Variants in CFAP77 observed in about 807,000 individuals in gnomAD.
The protein encoded by CFAP77 is cilia and flagella associated protein 77.
In CFAP77, 25 loss-of-function variants were observed where a neutral mutation model predicts 31.1. The observed-to-expected ratio is 0.80, with a 90% confidence interval of 0.59 to 1.12. CFAP77 has a LOEUF of 1.12. CFAP77 is among the 50% of genes most tolerant of loss of function. The pLI is 0.00. For missense variants in CFAP77, 377 were observed against 397.3 expected (o/e 0.95, Z 0.44); for synonymous variants, 151 against 159.9 (o/e 0.94, Z 0.42).
chr9:132,516,596 C>A (rs1418114757), intron 3 of CFAP77, among the ~76,000 whole-genome samples: 1 of 151,360 alleles, frequency 6.6e-6, no homozygotes, highest in Non-Finnish European at 1.5e-5. Flanking sequence ...GAAATACACA[C>A]ACACACACAC....
chr9:132,477,607 C>T (rs1341702260), intron 1 of CFAP77, among the ~76,000 whole-genome samples: 1 of 152,216 alleles, frequency 6.6e-6, no homozygotes, highest in Non-Finnish European at 1.5e-5. Flanking sequence ...TTGCTCAGCA[C>T]ACATGAGCTG....
chr9:132,483,584 C>G (rs1564221737), intron 1 of CFAP77, among the ~76,000 whole-genome samples: 1 of 152,188 alleles, frequency 6.6e-6, no homozygotes, highest in Non-Finnish European at 1.5e-5. Context: ...GAGGCCATGG[C>G]AAGCAAAGGG....
chr9:132,418,598 G>A (rs1343859898), intron 1 of CFAP77, among the ~76,000 whole-genome samples: 1 of 152,070 alleles, frequency 6.6e-6, no homozygotes, highest in Non-Finnish European at 1.5e-5. Context: ...TTCGTTTCCC[G>A]AGCAATGTAG....
At chr9:132,526,120 T>C (rs187898604) in intron 3 of CFAP77, among the ~76,000 whole-genome samples, 193 of 152,296 alleles carry the variant, frequency 1.3e-3, no homozygotes, top group African/African-American at 3.9e-3. Context: ...GCTATGAACA[T>C]TTGTGAATAA....
intron 5 of CFAP77, among the ~76,000 whole-genome samples, chr9:132,549,447 A>T (rs1280252785): frequency 6.6e-6 from 1 of 152,232 alleles, no homozygotes; most frequent in African/African-American, 2.4e-5. Context: ...AGAATGATTC[A>T]GAGGCCCTGA....
chr9:132,494,060 C>T lies in CFAP77; in HGVS notation c.196-4635C>T, dbSNP rs148778161. ...CCAAGTAGCTGGAACCACAGGCACA[C>T]GCCACCATACCCAGCTAATTTTTAC... On this transcript the variant is annotated intron_variant, in intron 1 of 5. Coordinates refer to ENST00000393216, the MANE Select transcript of CFAP77 (RefSeq NM_001282957.2). 2.7e-3 allele frequency among the ~76,000 whole-genome samples: 418 copies of T among 152,238 alleles called. 1 individual carries two copies. Among genetic ancestry groups the T allele is most frequent in the Non-Finnish European group, 4.2e-3 (289 of 68,014 alleles).
At chr9:132,533,811 G>T (rs961452306) in intron 3 of CFAP77, among the ~76,000 whole-genome samples, 2 of 152,132 alleles carry the variant, frequency 1.3e-5, no homozygotes, top group Non-Finnish European at 2.9e-5. Flanking sequence ...AACCCAGGAG[G>T]TGGAGGTTGC....
chr9:132,543,802 C>G (rs1245581400), intron 5 of CFAP77, among the ~76,000 whole-genome samples: 1 of 152,200 alleles, frequency 6.6e-6, no homozygotes, highest in African/African-American at 2.4e-5. Context: ...GTTCACTCAG[C>G]CTTGTAGCCC....
Position 132,495,261 on chromosome 9 carries a change from A to C in CFAP77, c.196-3434A>C, listed in dbSNP as rs1851723546. ...CCCAGGCAACCACACTAAAAAGCAG[A>C]GATTGAGGCACACACCTGCTCCTTG... On this transcript the variant is annotated intron_variant, in intron 1 of 5. Transcript: ENST00000393216. The surrounding 1 kb of genome is among the most constrained non-coding windows in gnomAD (Gnocchi z 4.2). Among the ~76,000 whole-genome samples, 2 of 152,076 alleles carry C rather than the reference A, an allele frequency of 1.3e-5. No individual in the cohort carries two copies. Among genetic ancestry groups the C allele is most frequent in the Non-Finnish European group, 2.9e-5 (2 of 68,024 alleles).
In CFAP77 at chr9:132,511,821, T is replaced by A. The variant is rs1389485192; in HGVS notation, c.524+12221T>A. On this transcript the variant is annotated intron_variant, in intron 3 of 5. Transcript: ENST00000393216. The surrounding 1 kb of genome is among the most constrained non-coding windows in gnomAD (Gnocchi z 5.8). ...CTGTCATCCCAGCACTGTGGGAGGCTGAGGCGGGCGGATCACGAGGTCAGG... is the reference window on the plus strand; with the variant it reads ...CTGTCATCCCAGCACTGTGGGAGGCAGAGGCGGGCGGATCACGAGGTCAGG... Among the ~76,000 whole-genome samples the A allele has an allele frequency of 6.6e-6, 1 of 152,156 alleles. No homozygotes were observed. Among genetic ancestry groups the A allele is most frequent in the Non-Finnish European group, 1.5e-5 (1 of 68,020 alleles).
At chr9:132,447,147 CA>C (rs1850738216) in intron 1 of CFAP77, among the ~76,000 whole-genome samples, 1 of 152,192 alleles carries the variant, frequency 6.6e-6, no homozygotes, top group Non-Finnish European at 1.5e-5. Flanking sequence ...AGCCAGGATT[CA>C]GACCCCAGTC....
In CFAP77 at chr9:132,422,013, C is replaced by CTTTTTTTT. The variant is rs1234375855; in HGVS notation, c.195+11552_195+11559dup. Among the ~76,000 whole-genome samples, 1,267 of 143,754 alleles carry CTTTTTTTT rather than the reference C, an allele frequency of 8.8e-3. 19 individuals are homozygous for CTTTTTTTT. The highest frequency in any genetic ancestry group is 0.031 in the African/African-American group (1,218 of 39,522). 94.3% of individuals were successfully genotyped at this position (143,754 alleles called of 152,430 possible). A position where few individuals can be genotyped will look rare whatever the true frequency, so the allele number is the denominator to read the frequency against. On this transcript the variant is annotated intron_variant, in intron 1 of 5. Coordinates refer to ENST00000393216, the MANE Select transcript of CFAP77 (RefSeq NM_001282957.2). ...ATAAGACAGCCTTAGTCCCAGGTGG[C>CTTTTTTTT]TTTTTTTTTTTTGAGACGGAGTTTT...
At chr9:132,461,607 G>A (rs1851051025) in intron 1 of CFAP77, among the ~76,000 whole-genome samples, 3 of 152,306 alleles carry the variant, frequency 2.0e-5, no homozygotes, top group East Asian at 1.9e-4. Flanking sequence ...AAGAGCGACC[G>A]AGGATTTATT....
intron 3 of CFAP77, among the ~76,000 whole-genome samples, chr9:132,502,087 C>T (rs1334463844): frequency 6.6e-6 from 1 of 152,164 alleles, no homozygotes; most frequent in African/African-American, 2.4e-5. Flanking sequence ...TCCGAAGCCC[C>T]GTTCAGTGGC....
intron 1 of CFAP77, among the ~76,000 whole-genome samples, chr9:132,443,064 CAT>C (rs1432853017): frequency 3.9e-5 from 6 of 152,102 alleles, no homozygotes; most frequent in Admixed American, 6.5e-5. Flanking sequence ...GGAATCATAA[CAT>C]GTGACTTTTT....
intron 1 of CFAP77, among the ~76,000 whole-genome samples, chr9:132,475,900 C>T (rs1310370612): frequency 6.6e-6 from 1 of 152,188 alleles, no homozygotes; most frequent in Non-Finnish European, 1.5e-5. Flanking sequence ...CCCTGGCTCC[C>T]TATTACCTCT....
At chr9:132,433,848 T>C (rs1850457624) in intron 1 of CFAP77, among the ~76,000 whole-genome samples, 1 of 150,192 alleles carries the variant, frequency 6.7e-6, no homozygotes, top group African/African-American at 2.4e-5. Context: ...TCTACCAACC[T>C]ATTTATTCAT....
At chr9:132,571,591 C>T (rs1045135523) in intron 5 of CFAP77, among the ~76,000 whole-genome samples, 30 of 152,220 alleles carry the variant, frequency 2.0e-4, no homozygotes, top group Admixed American at 2.0e-4. Flanking sequence ...CACGAATTAA[C>T]AGATGGATAG....
At chr9:132,419,707 A>G (rs2131678759) in intron 1 of CFAP77, among the ~76,000 whole-genome samples, 1 of 152,218 alleles carries the variant, frequency 6.6e-6, no homozygotes, top group South Asian at 2.1e-4. Context: ...TTATGCATTT[A>G]AGACTGCTAA....
Sources: gnomAD v4.1 joint callset for allele counts (sites outside exome capture counted in the v4.1 genomes callset) on GRCh38, gnomAD v4.1.1 for gene constraint, Gnocchi (gnomAD v3.1) non-coding constraint, MANE v1.5 for transcripts, NCBI Gene and HGNC (gene_info 2026-07-23, HGNC 2026-07-21) for gene names.